The following SPATA17 variants were observed in gnomAD, a reference collection of about 807,000 sequenced individuals.
The protein encoded by SPATA17 is spermatogenesis associated 17, also known as spermatogenesis-associated protein 17.
SPATA17 carries 53 observed loss-of-function variants against 62.2 expected under a neutral mutation model. The observed-to-expected ratio is 0.85, with a 90% confidence interval of 0.68 to 1.07. The LOEUF (loss-of-function observed/expected upper bound fraction) is 1.07. Among genes scored for constraint, SPATA17 ranks in the 50% least tolerant of loss-of-function variants. SPATA17 has a pLI of 0.00. For missense variants in SPATA17, 466 were observed against 425.5 expected, an observed-to-expected ratio of 1.10 and a Z score of -0.84; for synonymous variants, 146 against 146.8, an observed-to-expected ratio of 0.99 and a Z score of 0.04.
In SPATA17 at chr1:217,722,835, C is replaced by CT. The variant is rs898229124; in HGVS notation, c.396-19130dup. Among the ~76,000 whole-genome samples, 13 of 150,116 alleles carry CT rather than the reference C, an allele frequency of 8.7e-5. No individual in the cohort carries two copies. In the East Asian group the frequency reaches 1.2e-3, roughly 14 times the overall value. On this transcript the variant is annotated intron_variant, in intron 5 of 10. Coordinates refer to ENST00000366933, the MANE Select transcript of SPATA17 (RefSeq NM_138796.4). ...ATCTTTGGTCTGCAAGGTATCGTGA[C>CT]TTTTTTTTTTCCTGCTGAGGAAGTC... is the stretch of plus-strand genomic sequence containing the variant.
At chr1:217,786,248 T>C (rs905873746) in intron 8 of SPATA17, among the ~76,000 whole-genome samples, 50 of 152,128 alleles carry the variant, frequency 3.3e-4, no homozygotes, top group African/African-American at 1.2e-3. Flanking sequence ...AAGTACTTGA[T>C]AAATGGTCAA....
intron 1 of SPATA17, among the ~76,000 whole-genome samples, chr1:217,644,217 A>C (rs1670131691): frequency 6.6e-6 from 1 of 152,178 alleles, no homozygotes; most frequent in South Asian, 2.1e-4. Context: ...AATGTTGAGG[A>C]CTACTAATGA....
chr1:217,739,586 A>T (rs894149220), intron 5 of SPATA17: 3 of 152,178 alleles, frequency 2.0e-5, no homozygotes, highest in Non-Finnish European at 4.4e-5. Context: ...GATTAAAAAT[A>T]TAGGTAATTT....
intron 6 of SPATA17, among the ~76,000 whole-genome samples, chr1:217,750,290 A>C (rs1306910828): frequency 6.6e-6 from 1 of 152,042 alleles, no homozygotes; most frequent in African/African-American, 2.4e-5. Context: ...AGAATGGGAA[A>C]GAAAACTACG....
At chr1:217,753,220 C>T (rs920556923) in intron 6 of SPATA17, among the ~76,000 whole-genome samples, 1 of 152,206 alleles carries the variant, frequency 6.6e-6, no homozygotes. Flanking sequence ...GGCCCCAAAG[C>T]TTAAGCTTCC....
Position 217,795,439 on chromosome 1 carries a change from G to A in SPATA17, c.873-6279G>A, listed in dbSNP as rs113172842. ...GGCTGGGGTGCAGTGGTGTGATCTC[G>A]GCTCGCTGCAAACTCCGCCTCTGGC... On this transcript the variant is annotated intron_variant, in intron 8 of 10. Coordinates refer to ENST00000366933, the MANE Select transcript of SPATA17 (RefSeq NM_138796.4). Among the ~76,000 whole-genome samples, 1,089 of 137,426 alleles carry A rather than the reference G, an allele frequency of 7.9e-3. 12 individuals carry two copies. Among genetic ancestry groups the A allele is most frequent in the African/African-American group, 0.028 (1,034 of 37,038 alleles). 90.2% of individuals were successfully genotyped at this position (137,426 alleles called of 152,430 possible).
At chr1:217,730,772 A>G (rs1388448567) in intron 5 of SPATA17, among the ~76,000 whole-genome samples, 3 of 152,158 alleles carry the variant, frequency 2.0e-5, no homozygotes, top group South Asian at 4.1e-4. Flanking sequence ...GATAGACGAT[A>G]AAAGAAAGTT....
In SPATA17 at chr1:217,869,611, T is replaced by G. The variant is rs902958601; in HGVS notation, c.*2592T>G. The G allele has an allele frequency of 1.1e-4, 17 of 152,266 alleles. No homozygotes were observed. Among genetic ancestry groups the G allele is most frequent in the Admixed American group, 4.6e-4 (7 of 15,282 alleles). 9.4% of individuals were successfully genotyped at this position (152,266 alleles called of 1,614,324 possible). A position where few individuals can be genotyped will look rare whatever the true frequency, so the allele number is the denominator to read the frequency against. On this transcript the variant is annotated 3_prime_UTR_variant, in exon 11 of 11. Transcript: ENST00000366933. ...TCAAGGCCTGATATTTGTCATGTGA[T>G]GCTATACTACAGTCAGGCTGAAACT...
intron 9 of SPATA17, among the ~76,000 whole-genome samples, chr1:217,822,366 C>G (rs908671642): frequency 4.0e-5 from 6 of 150,176 alleles, no homozygotes; most frequent in African/African-American, 7.3e-5. Context: ...TTCTAAAAGA[C>G]ATGTTTTTTT....
At chr1:217,827,102 T>C (rs1675017337) in intron 9 of SPATA17, among the ~76,000 whole-genome samples, 2 of 152,092 alleles carry the variant, frequency 1.3e-5, no homozygotes, top group Admixed American at 1.3e-4. Flanking sequence ...TTATTAGCTC[T>C]GTTTTCATGG....
chr1:217,632,906 T>A (rs1046996274), intron 1 of SPATA17, among the ~76,000 whole-genome samples: 1 of 152,174 alleles, frequency 6.6e-6, no homozygotes, highest in Non-Finnish European at 1.5e-5. Flanking sequence ...TAAAAAATAA[T>A]TACAATACTA....
At chr1:217,727,526 G>A (rs1389159783) in intron 5 of SPATA17, among the ~76,000 whole-genome samples, 2 of 151,796 alleles carry the variant, frequency 1.3e-5, no homozygotes, top group Non-Finnish European at 2.9e-5. Flanking sequence ...TTGAAAGCAG[G>A]GGCTATGTAT....
chr1:217,701,337 A>ATG lies in SPATA17; in HGVS notation c.395+17986_395+17987dup, dbSNP rs548724240. Among the ~76,000 whole-genome samples, 983 of 151,084 alleles carry ATG rather than the reference A, an allele frequency of 6.5e-3. 12 individuals carry two copies. Among genetic ancestry groups the ATG allele is most frequent in the African/African-American group, 0.022 (910 of 41,194 alleles). On this transcript the variant is annotated intron_variant, in intron 5 of 10. Coordinates refer to ENST00000366933, the MANE Select transcript of SPATA17 (RefSeq NM_138796.4). Reference sequence around the variant, plus strand: ...TGTGTGTATATATATGTGTGTATATATGTGTGTGTGTATATATATATACAT... The same window carrying ATG: ...TGTGTGTATATATATGTGTGTATATATGTGTGTGTGTGTATATATATATACAT...
chr1:217,864,578 A>G (rs139480780), intron 10 of SPATA17, among the ~76,000 whole-genome samples: 1,622 of 152,146 alleles, frequency 0.011, 6 homozygotes, highest in Middle Eastern at 0.048. Flanking sequence ...ATTATATTTA[A>G]TATGTATATG....
chr1:217,837,031 T>C (rs1041154338), intron 9 of SPATA17, among the ~76,000 whole-genome samples: 8 of 152,128 alleles, frequency 5.3e-5, no homozygotes, highest in Non-Finnish European at 1.0e-4. Context: ...GAGTAAAGCC[T>C]TCCCCACAGT....
chr1:217,631,506 T>A, intron 1 of SPATA17, 60 bp downstream of exon 1: 1 of 1,561,132 alleles, frequency 6.4e-7, no homozygotes, highest in Non-Finnish European at 8.8e-7. Context: ...CAGTTGTTCC[T>A]CAGCGGGAGT....
intron 3 of SPATA17, among the ~76,000 whole-genome samples, chr1:217,664,606 T>C (rs1180598540): frequency 1.3e-5 from 2 of 152,102 alleles, no homozygotes; most frequent in African/African-American, 4.8e-5. Context: ...AAAATCTTTA[T>C]ACCCTATAGC....
chr1:217,849,132 T>C (rs930440307), intron 9 of SPATA17, among the ~76,000 whole-genome samples: 5 of 152,210 alleles, frequency 3.3e-5, no homozygotes, highest in African/African-American at 1.2e-4. Context: ...TTTTTGTTTG[T>C]TTACTTATCT....
At chr1:217,754,081 AATT>A (rs1455923265) in intron 6 of SPATA17, among the ~76,000 whole-genome samples, 1 of 152,066 alleles carries the variant, frequency 6.6e-6, no homozygotes, top group Non-Finnish European at 1.5e-5. Flanking sequence ...ACAAAAAAAA[AATT>A]ATCCAGGCAA....
Sources: gnomAD v4.1 joint callset for allele counts (sites outside exome capture counted in the v4.1 genomes callset) on GRCh38, gnomAD v4.1.1 for gene constraint, MANE v1.5 for transcripts, NCBI Gene and HGNC (gene_info 2026-07-23, HGNC 2026-07-21) for gene names.